PCDH15: variants seen among roughly 807,000 people sequenced by gnomAD.
PCDH15 encodes the protein protocadherin-15.
A neutral mutation model predicts 178.5 loss-of-function variants in PCDH15; 129 were observed. That is an observed-to-expected ratio of 0.72 (90% confidence interval 0.63 to 0.84). The LOEUF is 0.84. PCDH15 is among the 40% of genes least tolerant of loss of function. The pLI, the probability that PCDH15 is intolerant of heterozygous loss-of-function variation, is 0.00. For synonymous variants in PCDH15, 800 were observed against 732.0 expected, an observed-to-expected ratio of 1.09 and a Z score of -1.50; for missense variants, 2,230 against 2,099.9, an observed-to-expected ratio of 1.06 and a Z score of -1.21.
intron 2 of PCDH15, among the ~76,000 whole-genome samples, chr10:54,657,965 AAT>A (rs1412393402): frequency 6.6e-6 from 1 of 152,202 alleles, no homozygotes; most frequent in Non-Finnish European, 1.5e-5. Flanking sequence ...TATATTAGAA[AAT>A]AGAACTTCAT....
chr10:54,749,538 T>C (rs1406025826), intron 1 of PCDH15, among the ~76,000 whole-genome samples: 3 of 152,162 alleles, frequency 2.0e-5, no homozygotes, highest in Non-Finnish European at 2.9e-5. Context: ...CTCATTCGAA[T>C]GGCTATACTT....
chr10:54,731,569 C>CACACACAT (rs1943401707), intron 1 of PCDH15, among the ~76,000 whole-genome samples: 1 of 42,056 alleles, frequency 2.4e-5, no homozygotes, highest in African/African-American at 7.8e-5. Flanking sequence ...TATATACACA[C>CACACACAT]ACACACACAC....
chr10:55,269,922 TA>T (rs1484155317), intron 1 of PCDH15, among the ~76,000 whole-genome samples: 1 of 151,950 alleles, frequency 6.6e-6, no homozygotes, highest in Non-Finnish European at 1.5e-5. Flanking sequence ...GATACTGGTA[TA>T]AAAATAAGAC....
At chr10:54,610,472 C>T (rs1156641366) in intron 2 of PCDH15, among the ~76,000 whole-genome samples, 2 of 151,838 alleles carry the variant, frequency 1.3e-5, no homozygotes, top group African/African-American at 4.8e-5. Flanking sequence ...TCCAAGATCA[C>T]ATAGCTAGTT....
At chr10:53,932,681 G>C (rs181702743) in intron 25 of PCDH15, among the ~76,000 whole-genome samples, 2 of 152,096 alleles carry the variant, frequency 1.3e-5, no homozygotes, top group African/African-American at 4.8e-5. Context: ...TTTAATTCGC[G>C]TGACCATTTT....
Position 55,293,175 on chromosome 10 carries a change from T to G in PCDH15, c.-156+26424A>C, listed in dbSNP as rs576888404. ...ATGGGAGCTGCCAAGGCTTGGGTTT[T>G]GCACTCCCTGAAGCCATGGCTTGAG... On this transcript the variant is annotated intron_variant, in intron 1 of 5. Transcript: ENST00000458638. 3.5e-4 allele frequency among the ~76,000 whole-genome samples: 53 copies of G among 152,306 alleles called. 1 individual carries two copies. The South Asian group carries it at 9.9e-3, about 29-fold the overall frequency.
chr10:54,554,144 T>A (rs965901467), intron 2 of PCDH15, among the ~76,000 whole-genome samples: 1 of 152,144 alleles, frequency 6.6e-6, no homozygotes, highest in African/African-American at 2.4e-5. Flanking sequence ...CCCTACTTTT[T>A]ATTTTCCCCT....
At chr10:55,315,081 G>C (rs1843689190) in intron 1 of PCDH15, among the ~76,000 whole-genome samples, 1 of 151,908 alleles carries the variant, frequency 6.6e-6, no homozygotes. Context: ...AATCTATATA[G>C]TTTTAGACTT....
At position 54,155,265 on chromosome 10, in the gene PCDH15, C is replaced by T. The variant is rs188739110; in HGVS notation, c.1591-1972G>A. Among the ~76,000 whole-genome samples the T allele has an allele frequency of 4.6e-3, 693 of 152,150 alleles. 11 individuals carry two copies. The highest frequency in any genetic ancestry group is 0.016 in the African/African-American group (645 of 41,506). On this transcript the variant is annotated intron_variant, in intron 13 of 37. Transcript: ENST00000644397. ...GGGAGGATAAGCTGGATGATAATTACATTGAAGAAGGTACCCACCTGGGAG... is the reference window on the plus strand; with the variant it reads ...GGGAGGATAAGCTGGATGATAATTATATTGAAGAAGGTACCCACCTGGGAG...
intron 9 of PCDH15, among the ~76,000 whole-genome samples, chr10:54,219,528 GC>G (rs1314862344): frequency 1.4e-5 from 2 of 145,012 alleles, no homozygotes; most frequent in East Asian, 4.1e-4. Context: ...GGGAGGTGGA[GC>G]TTGCAGTGAG....
At chr10:54,977,180 C>T (rs1220639829) in intron 2 of PCDH15, among the ~76,000 whole-genome samples, 1 of 152,124 alleles carries the variant, frequency 6.6e-6, no homozygotes, top group African/African-American at 2.4e-5. Flanking sequence ...GGGATTCCAT[C>T]TTGCATAGGG....
intron 2 of PCDH15, among the ~76,000 whole-genome samples, chr10:55,422,434 G>T (rs1322432876): frequency 6.6e-6 from 1 of 151,836 alleles, no homozygotes. Context: ...CAAAAGCATG[G>T]TTTTACCTAT....
chr10:53,915,494 T>G (rs2083455459), intron 25 of PCDH15, among the ~76,000 whole-genome samples: 1 of 152,218 alleles, frequency 6.6e-6, no homozygotes, highest in Non-Finnish European at 1.5e-5. Context: ...GTGTATGTGT[T>G]TGGCTGATAG....
Position 55,361,501 on chromosome 10 carries a change from G to T in PCDH15, c.-155-194850C>A, listed in dbSNP as rs115738801. Among the ~76,000 whole-genome samples the T allele has an allele frequency of 5.6e-3, 853 of 151,854 alleles. 10 individuals are homozygous for T. Among genetic ancestry groups the T allele is most frequent in the African/African-American group, 0.02 (814 of 41,468 alleles). ...CTTTTTCTAACATGATTTTTCATTA[G>T]GTACAAGCTCATATTGTTTACTCTG... is the stretch of plus-strand genomic sequence containing the variant. On this transcript the variant is annotated intron_variant, in intron 2 of 5. Transcript: ENST00000613346.
intron 3 of PCDH15, among the ~76,000 whole-genome samples, chr10:54,818,663 G>A (rs749023966): frequency 9.2e-5 from 14 of 151,972 alleles, no homozygotes; most frequent in Non-Finnish European, 1.9e-4. Flanking sequence ...ATTACATGAA[G>A]ACAATGATAT....
intron 1 of PCDH15, among the ~76,000 whole-genome samples, chr10:54,703,991 A>G (rs1799947630): frequency 6.6e-6 from 1 of 152,096 alleles, no homozygotes; most frequent in Non-Finnish European, 1.5e-5. Flanking sequence ...AAATTGACAA[A>G]CAAGCAATGG....
At chr10:54,932,140 A>G (rs549893265) in intron 2 of PCDH15, among the ~76,000 whole-genome samples, 3 of 152,338 alleles carry the variant, frequency 2.0e-5, no homozygotes, top group Admixed American at 1.3e-4. Flanking sequence ...ACTTATAAAA[A>G]AAGTTAACTG....
intron 1 of PCDH15, among the ~76,000 whole-genome samples, chr10:55,241,045 T>C (rs940959218): frequency 6.6e-6 from 1 of 152,110 alleles, no homozygotes; most frequent in African/African-American, 2.4e-5. Flanking sequence ...TGAAACCCTG[T>C]TTCTATTAAA....
chr10:55,350,264 T>TAC (rs1844884919), intron 2 of PCDH15, among the ~76,000 whole-genome samples: 1 of 62,872 alleles, frequency 1.6e-5, no homozygotes, highest in Non-Finnish European at 2.9e-5. Context: ...TATATATATA[T>TAC]ATATACACAC....
Sources: allele counts gnomAD v4.1 joint callset (sites outside exome capture counted in the v4.1 genomes callset), GRCh38; gene constraint gnomAD v4.1.1; transcripts MANE v1.5; gene names NCBI Gene and HGNC (gene_info 2026-07-23, HGNC 2026-07-21).